Variants in PARN observed in about 807,000 individuals in gnomAD.
The protein encoded by PARN is poly(A)-specific ribonuclease.
A neutral mutation model predicts 102.8 loss-of-function variants in PARN; 71 were observed. That is an observed-to-expected ratio of 0.69 (90% CI 0.57 to 0.84). The LOEUF is 0.84. PARN is among the 40% of genes least tolerant of loss of function. PARN has a pLI of 0.00. For synonymous variants in PARN, 261 were observed against 252.9 expected (o/e 1.03, Z -0.30); for missense variants, 782 against 760.9 (o/e 1.03, Z -0.33).
At chr16:14,583,568 CA>C (rs1969656653) in intron 16 of PARN, among the ~76,000 whole-genome samples, 1 of 152,206 alleles carries the variant, frequency 6.6e-6, no homozygotes, top group African/African-American at 2.4e-5. Flanking sequence ...TTTTCTCCCC[CA>C]ATGGCCCCAC....
intron 21 of PARN, among the ~76,000 whole-genome samples, chr16:14,502,205 C>T (rs1490831858): frequency 6.6e-6 from 1 of 152,168 alleles, no homozygotes; most frequent in Non-Finnish European, 1.5e-5. Context: ...AGAGTATTCA[C>T]GCATGGGGCA....
At chr16:14,622,962 G>C (rs1972411697) in intron 5 of PARN, among the ~76,000 whole-genome samples, 1 of 151,980 alleles carries the variant, frequency 6.6e-6, no homozygotes. Flanking sequence ...AAATTAGCTG[G>C]GCATGGTGGC....
At chr16:14,489,867 C>T (rs777044148) in intron 21 of PARN, among the ~76,000 whole-genome samples, 1 of 152,188 alleles carries the variant, frequency 6.6e-6, no homozygotes, top group Non-Finnish European at 1.5e-5. Context: ...TCGTATTAAC[C>T]CAATGGTTAC....
chr16:14,525,390 G>T (rs1423398315), intron 21 of PARN, among the ~76,000 whole-genome samples: 1 of 152,170 alleles, frequency 6.6e-6, no homozygotes. Context: ...GGTCACAGAA[G>T]GGACAACCCT....
intron 21 of PARN, 33 bp downstream of exon 21, chr16:14,551,988 T>C: frequency 6.7e-7 from 1 of 1,497,652 alleles, no homozygotes; most frequent in Non-Finnish European, 9.3e-7. Context: ...CTCACTGTAT[T>C]TAATACACAA....
intron 16 of PARN, among the ~76,000 whole-genome samples, chr16:14,583,001 A>G (rs1474757882): frequency 6.6e-6 from 1 of 152,198 alleles, no homozygotes; most frequent in Non-Finnish European, 1.5e-5. Flanking sequence ...ACTGTCCTCT[A>G]CTATGTTCCC....
At chr16:14,613,349 G>A (rs1017179022) in intron 6 of PARN, among the ~76,000 whole-genome samples, 9 of 150,604 alleles carry the variant, frequency 6.0e-5, no homozygotes, top group African/African-American at 2.0e-4. Context: ...GAGGCCGGGC[G>A]CCTGGCTCAT....
chr16:14,526,328 C>T (rs1370579054), intron 21 of PARN, among the ~76,000 whole-genome samples: 2 of 151,910 alleles, frequency 1.3e-5, no homozygotes, highest in African/African-American at 4.8e-5. Flanking sequence ...AGGTGCCTGC[C>T]ACCACGCCTG....
At chr16:14,449,865 G>T (rs553433041) in intron 22 of PARN, among the ~76,000 whole-genome samples, 2 of 152,016 alleles carry the variant, frequency 1.3e-5, no homozygotes, top group African/African-American at 4.8e-5. Flanking sequence ...TGGGGAAATG[G>T]GTCCTTTCTC....
At chr16:14,511,841 T>A (rs983088186) in intron 21 of PARN, among the ~76,000 whole-genome samples, 1 of 152,144 alleles carries the variant, frequency 6.6e-6, no homozygotes, top group Non-Finnish European at 1.5e-5. Context: ...GCTGGGACTA[T>A]GGGTGTGTGC....
At chr16:14,466,403 T>C (rs1050942037) in intron 22 of PARN, among the ~76,000 whole-genome samples, 15 of 152,358 alleles carry the variant, frequency 9.8e-5, no homozygotes, top group Non-Finnish European at 1.8e-4. Flanking sequence ...TACTGCGATG[T>C]TAAGTCATGA....
intron 23 of PARN, among the ~76,000 whole-genome samples, chr16:14,440,734 G>C (rs2151549216): frequency 6.6e-6 from 1 of 152,326 alleles, no homozygotes; most frequent in Middle Eastern, 3.4e-3. Context: ...CTAAATGAAA[G>C]AAGTTAAATG....
At chr16:14,470,920 G>A (rs1962702026) in intron 22 of PARN, among the ~76,000 whole-genome samples, 1 of 152,132 alleles carries the variant, frequency 6.6e-6, no homozygotes, top group Non-Finnish European at 1.5e-5. Context: ...AGGTTTACAG[G>A]CATGAGCCAC....
chr16:14,439,375 C>CAAAAA (rs58385541), intron 23 of PARN, among the ~76,000 whole-genome samples: 1 of 90,624 alleles, frequency 1.1e-5, no homozygotes, highest in African/African-American at 4.4e-5. Context: ...AACTGTCGCA[C>CAAAAA]AAAAAAAAAA....
chr16:14,515,188 G>C (rs1333173797), intron 21 of PARN, among the ~76,000 whole-genome samples: 1 of 152,086 alleles, frequency 6.6e-6, no homozygotes, highest in East Asian at 1.9e-4. Context: ...TATTGCCCAG[G>C]CTGGACTTGA....
At chr16:14,461,546 C>T (rs1961974539) in intron 22 of PARN, among the ~76,000 whole-genome samples, 1 of 152,106 alleles carries the variant, frequency 6.6e-6, no homozygotes, top group Admixed American at 6.5e-5. Context: ...TTTGTGCTGG[C>T]GTTACTTCTT....
intron 18 of PARN, among the ~76,000 whole-genome samples, chr16:14,577,240 G>C (rs1969199686): frequency 6.6e-6 from 1 of 152,182 alleles, no homozygotes; most frequent in South Asian, 2.1e-4. Context: ...TCATCAGCTT[G>C]AGATAATGTT....
chr16:14,477,503 C>T (rs947708708), intron 22 of PARN, among the ~76,000 whole-genome samples: 2 of 144,288 alleles, frequency 1.4e-5, no homozygotes, highest in Non-Finnish European at 3.0e-5. Flanking sequence ...ACAGGCTGGG[C>T]GCGATGGCTC....
At chr16:14,454,255 C>G (rs551337229) in intron 22 of PARN, among the ~76,000 whole-genome samples, 1 of 152,088 alleles carries the variant, frequency 6.6e-6, no homozygotes, top group Admixed American at 6.5e-5. Context: ...CCAAGGTGGG[C>G]GGATCGCTTG....
Sources: allele counts gnomAD v4.1 joint callset (sites outside exome capture counted in the v4.1 genomes callset), GRCh38; gene constraint gnomAD v4.1.1; transcripts MANE v1.5; gene names NCBI Gene and HGNC (gene_info 2026-07-23, HGNC 2026-07-21).